The following TMEM232 variants were observed in gnomAD, a reference collection of about 807,000 sequenced individuals.
TMEM232 encodes transmembrane protein 232.
A neutral mutation model predicts 78.8 loss-of-function variants in TMEM232; 80 were observed. The ratio of observed to expected loss-of-function variants is 1.01; its 90% CI spans 0.85 to 1.22. TMEM232 has a LOEUF of 1.22. Ranked by LOEUF, TMEM232 falls within the 50% of genes most tolerant of loss-of-function variation. TMEM232 has a pLI of 0.00. For missense variants in TMEM232, 881 were observed against 742.2 expected (o/e 1.19, Z -2.17); for synonymous variants, 297 against 254.3 (o/e 1.17, Z -1.60).
intron 12 of TMEM232, among the ~76,000 whole-genome samples, chr5:110,468,986 T>A (rs1376551337): frequency 6.6e-6 from 1 of 151,930 alleles, no homozygotes; most frequent in Non-Finnish European, 1.5e-5. Context: ...CAGAATAAGC[T>A]TGAAACCAGG....
At chr5:110,633,979 A>C (rs1473393320) in intron 5 of TMEM232, among the ~76,000 whole-genome samples, 1 of 152,192 alleles carries the variant, frequency 6.6e-6, no homozygotes, top group Non-Finnish European at 1.5e-5. Flanking sequence ...AAAGACACAG[A>C]CTGAGAGTAA....
chr5:110,662,464 A>G (rs1337645127), intron 2 of TMEM232, among the ~76,000 whole-genome samples: 1 of 152,168 alleles, frequency 6.6e-6, no homozygotes, highest in Non-Finnish European at 1.5e-5. Context: ...TCAAAATCCA[A>G]TTAAAAACTC....
rs1468737686 is a variant in TMEM232, at chr5:110,424,929, A to G, written c.1704-13T>C. ...AGAAGGATGTTCCCTTCAAAAGAGC[A>G]CAAGAACAAATCCAACATTAGGTAT... On this transcript the variant is annotated splice_polypyrimidine_tract_variant and intron_variant, in intron 12 of 13. Transcript: ENST00000455884. The G allele has an allele frequency of 2.0e-6, 3 of 1,534,562 alleles. No individual in the cohort carries two copies. The highest frequency in any genetic ancestry group is 4.0e-5 in the Admixed American group (2 of 49,940).
chr5:110,582,458 T>G (rs1320490188), intron 10 of TMEM232, among the ~76,000 whole-genome samples: 2 of 151,928 alleles, frequency 1.3e-5, no homozygotes, highest in East Asian at 3.9e-4. Flanking sequence ...AGCTAAACAT[T>G]GAGTACACAC....
intron 1 of TMEM232, among the ~76,000 whole-genome samples, chr5:110,673,326 A>C: frequency 6.6e-6 from 1 of 151,204 alleles, no homozygotes; most frequent in Admixed American, 6.6e-5. Flanking sequence ...GGGGGGAGGG[A>C]TAGTATTAGG....
chr5:110,613,586 C>CA (rs1782570432), intron 8 of TMEM232, among the ~76,000 whole-genome samples: 1 of 152,128 alleles, frequency 6.6e-6, no homozygotes, highest in Non-Finnish European at 1.5e-5. Flanking sequence ...CCAAGTGTCA[C>CA]AATTTTAAGA....
chr5:110,404,427 T>C (rs1308015136), intron 2 of TMEM232, among the ~76,000 whole-genome samples: 2 of 152,118 alleles, frequency 1.3e-5, no homozygotes, highest in Non-Finnish European at 2.9e-5. Flanking sequence ...GTAATATTTA[T>C]CTTATGTCTA....
intron 1 of TMEM232, among the ~76,000 whole-genome samples, chr5:110,679,324 T>A (rs1262425523): frequency 6.6e-6 from 1 of 152,244 alleles, no homozygotes; most frequent in Non-Finnish European, 1.5e-5. Flanking sequence ...CTATATTTCA[T>A]CTTTGTTGAG....
Position 110,608,071 on chromosome 5 carries a change from C to G in TMEM232, c.903-1784G>C, listed in dbSNP as rs150437812. 2.6e-5 allele frequency among the ~76,000 whole-genome samples: 4 copies of G among 152,006 alleles called. No homozygotes were observed. In the East Asian group the frequency reaches 7.8e-4, roughly 29 times the overall value. On this transcript the variant is annotated intron_variant, in intron 8 of 13. Coordinates refer to ENST00000455884, the MANE Select transcript of TMEM232 (RefSeq NM_001039763.4). ...ACAAAATCCTAATTGATGCACTTAA[C>G]ATGATGCTTATGAACATGAACTTTA...
At chr5:110,394,365 T>G (rs368512713) in intron 3 of TMEM232, among the ~76,000 whole-genome samples, 1 of 152,216 alleles carries the variant, frequency 6.6e-6, no homozygotes, top group African/African-American at 2.4e-5. Flanking sequence ...GTTGACCACT[T>G]AGGTTTCCTC....
chr5:110,450,869 A>AAGTT (rs1760198490), intron 12 of TMEM232, among the ~76,000 whole-genome samples: 1 of 152,186 alleles, frequency 6.6e-6, no homozygotes, highest in South Asian at 2.1e-4. Flanking sequence ...CTTCTGAGTT[A>AAGTT]AGTTAGTTAG....
At chr5:110,624,023 C>T (rs1036222552) in intron 7 of TMEM232, among the ~76,000 whole-genome samples, 3 of 151,948 alleles carry the variant, frequency 2.0e-5, no homozygotes, top group Non-Finnish European at 2.9e-5. Flanking sequence ...TGTGTGTGCA[C>T]CAAGAGTGAC....
At chr5:110,520,224 C>T (rs890678995) in intron 12 of TMEM232, among the ~76,000 whole-genome samples, 2 of 151,864 alleles carry the variant, frequency 1.3e-5, no homozygotes, top group African/African-American at 4.8e-5. Flanking sequence ...TCTAATTACT[C>T]TGATTTGATC....
intron 12 of TMEM232, among the ~76,000 whole-genome samples, chr5:110,500,938 C>A (rs1200919642): frequency 2.0e-5 from 3 of 152,154 alleles, no homozygotes; most frequent in East Asian, 1.9e-4. Flanking sequence ...AAAGCTTTGA[C>A]CACCTTTCTA....
rs11749760 is a variant in TMEM232 at position 110,537,701 on chromosome 5, C to G, written c.1456-8866G>C. 5.1e-3 allele frequency among the ~76,000 whole-genome samples: 783 copies of G among 152,302 alleles called. 1 individual carries two copies. Among genetic ancestry groups the G allele is most frequent in the Middle Eastern group, 0.027 (8 of 294 alleles). ...ACATCGTATTAACTCTCCCTGCAGCCCTGTTACTCCTTGGGAAGTAGCAAG... is the reference window on the plus strand; with the variant it reads ...ACATCGTATTAACTCTCCCTGCAGCGCTGTTACTCCTTGGGAAGTAGCAAG... On this transcript the variant is annotated intron_variant, in intron 11 of 13. Transcript: ENST00000455884.
Position 110,662,621 on chromosome 5 carries a change from G to A in TMEM232, c.125+4607C>T, listed in dbSNP as rs143559972. On this transcript the variant is annotated intron_variant, in intron 2 of 13. Transcript: ENST00000455884. ...ACCATAGTAATTAAGGCAGTGTGGC[G>A]TTGGTGTGGAATTAGACAAATGGGC... Among the ~76,000 whole-genome samples, 1,384 of 152,152 alleles carry A rather than the reference G, an allele frequency of 9.1e-3. 9 individuals carry two copies. The highest frequency in any genetic ancestry group is 0.017 in the South Asian group (82 of 4,812).
intron 2 of TMEM232, among the ~76,000 whole-genome samples, chr5:110,657,176 G>T (rs1268707226): frequency 5.9e-5 from 9 of 152,128 alleles, no homozygotes; most frequent in Non-Finnish European, 1.3e-4. Flanking sequence ...CAGCCATAAT[G>T]AATAACACTA....
intron 12 of TMEM232, among the ~76,000 whole-genome samples, chr5:110,474,630 C>A (rs1029108431): frequency 6.6e-6 from 1 of 151,786 alleles, no homozygotes; most frequent in Non-Finnish European, 1.5e-5. Flanking sequence ...AAATTGTTAT[C>A]CTTAGTGACT....
chr5:110,569,817 G>A (rs1776739720), intron 10 of TMEM232, among the ~76,000 whole-genome samples: 1 of 151,940 alleles, frequency 6.6e-6, no homozygotes, highest in East Asian at 1.9e-4. Context: ...TATATACTTA[G>A]AATAATAAAA....
Sources: allele counts gnomAD v4.1 joint callset (sites outside exome capture counted in the v4.1 genomes callset), GRCh38; gene constraint gnomAD v4.1.1; transcripts MANE v1.5; gene names NCBI Gene and HGNC (gene_info 2026-07-23, HGNC 2026-07-21).